EXOC6B: variants seen among roughly 807,000 people sequenced by gnomAD.
EXOC6B encodes SEC15 homolog B.
A neutral mutation model predicts 113.5 loss-of-function variants in EXOC6B; 54 were observed. The observed-to-expected ratio is 0.48, with a 90% CI of 0.38 to 0.60. The LOEUF is 0.60. Ranked by LOEUF, EXOC6B falls within the 20% of genes least tolerant of loss-of-function variation. EXOC6B has a pLI of 0.00. For missense variants in EXOC6B, 797 were observed against 977.5 expected (o/e 0.82, Z 2.46); for synonymous variants, 357 against 339.0 (o/e 1.05, Z -0.58).
chr2:72,734,782 T>A (rs1680847918), intron 2 of EXOC6B, among the ~76,000 whole-genome samples: 1 of 152,174 alleles, frequency 6.6e-6, no homozygotes, highest in South Asian at 2.1e-4. Context: ...GAAGCATGGT[T>A]AGAAGTGAAC....
chr2:72,400,021 C>T (rs912048410), intron 18 of EXOC6B, among the ~76,000 whole-genome samples: 5 of 151,946 alleles, frequency 3.3e-5, no homozygotes, highest in Non-Finnish European at 5.9e-5. Context: ...CACATTATCT[C>T]ACTTCAAATT....
intron 19 of EXOC6B, among the ~76,000 whole-genome samples, chr2:72,374,464 T>C (rs1691229096): frequency 6.6e-6 from 1 of 152,140 alleles, no homozygotes; most frequent in Non-Finnish European, 1.5e-5. Context: ...ACATTGCATG[T>C]TCTCACTTAT....
intron 5 of EXOC6B, among the ~76,000 whole-genome samples, chr2:72,726,778 T>C (rs1004782297): frequency 6.6e-6 from 1 of 152,134 alleles, no homozygotes; most frequent in Non-Finnish European, 1.5e-5. Flanking sequence ...AAGTCATACA[T>C]TGTAAAGATA....
intron 6 of EXOC6B, among the ~76,000 whole-genome samples, chr2:72,631,663 C>T (rs1300572787): frequency 6.6e-6 from 1 of 151,828 alleles, no homozygotes; most frequent in East Asian, 1.9e-4. Flanking sequence ...CACCACCATG[C>T]CTAGCTAATA....
intron 11 of EXOC6B, among the ~76,000 whole-genome samples, chr2:72,501,054 T>C (rs955434276): frequency 6.6e-6 from 1 of 152,176 alleles, no homozygotes; most frequent in Non-Finnish European, 1.5e-5. Context: ...CCACTTCCGC[T>C]TCCCCTTCTT....
At chr2:72,429,710 A>C (rs1327207890) in intron 18 of EXOC6B, among the ~76,000 whole-genome samples, 1 of 152,204 alleles carries the variant, frequency 6.6e-6, no homozygotes, top group Admixed American at 6.5e-5. Flanking sequence ...GAGAGGGGGA[A>C]CACTACTGGC....
intron 20 of EXOC6B, among the ~76,000 whole-genome samples, chr2:72,238,274 A>C (rs1291423500): frequency 6.6e-6 from 1 of 152,136 alleles, no homozygotes; most frequent in African/African-American, 2.4e-5. Context: ...ATAATATTTC[A>C]TTGTATGAAT....
At position 72,600,441 on chromosome 2, in the gene EXOC6B, CAAAAAA is replaced by C. The variant is rs57908608; in HGVS notation, c.670-24779_670-24774del. 1.4e-4 allele frequency among the ~76,000 whole-genome samples: 12 copies of C among 87,430 alleles called. No individual in the cohort carries two copies. The East Asian group carries it at 1.5e-3, about 11-fold the overall frequency. 57.4% of individuals were successfully genotyped at this position (87,430 alleles called of 152,430 possible). On this transcript the variant is annotated intron_variant, in intron 6 of 21. Transcript: ENST00000272427. ...TGGGCAATGGAGTGAGACCTTATCT[CAAAAAA>C]AAAAAAAAAAAAAAAAAACTACAAT... is the stretch of plus-strand genomic sequence containing the variant.
chr2:72,792,040 T>C (rs1051702614), intron 1 of EXOC6B, among the ~76,000 whole-genome samples: 7 of 152,262 alleles, frequency 4.6e-5, no homozygotes, highest in Admixed American at 4.6e-4. Flanking sequence ...TGCCTAGCTA[T>C]GGAATGATGG....
chr2:72,453,293 TA>T (rs1282150760), intron 18 of EXOC6B, among the ~76,000 whole-genome samples: 1 of 152,152 alleles, frequency 6.6e-6, no homozygotes, highest in Admixed American at 6.6e-5. Flanking sequence ...AAAATGTGGA[TA>T]TTTTTTGTTT....
chr2:72,447,807 T>C (rs1393407920), intron 18 of EXOC6B, among the ~76,000 whole-genome samples: 2 of 152,160 alleles, frequency 1.3e-5, no homozygotes, highest in East Asian at 3.9e-4. Flanking sequence ...GGGGATCCAA[T>C]TATGGTTATA....
chr2:72,542,110 T>C (rs143326491), intron 8 of EXOC6B, among the ~76,000 whole-genome samples: 3 of 152,368 alleles, frequency 2.0e-5, no homozygotes, highest in Non-Finnish European at 4.4e-5. Context: ...AATAACTACA[T>C]CTTCTTAGCA....
intron 19 of EXOC6B, among the ~76,000 whole-genome samples, chr2:72,365,118 C>A (rs1466967707): frequency 6.6e-6 from 1 of 152,024 alleles, no homozygotes; most frequent in Non-Finnish European, 1.5e-5. Flanking sequence ...TATATATTAT[C>A]ATGTCTAGGT....
chr2:72,603,288 T>C (rs1235851714), intron 6 of EXOC6B, among the ~76,000 whole-genome samples: 2 of 152,030 alleles, frequency 1.3e-5, no homozygotes, highest in African/African-American at 4.8e-5. Flanking sequence ...TAGAATAATG[T>C]CACTTTTAAA....
chr2:72,425,868 T>C (rs544111917), intron 18 of EXOC6B, among the ~76,000 whole-genome samples: 2 of 152,322 alleles, frequency 1.3e-5, no homozygotes, highest in African/African-American at 4.8e-5. Flanking sequence ...GATATTATAG[T>C]GTCACTTGAA....
chr2:72,664,052 C>T (rs1675213091), intron 6 of EXOC6B, among the ~76,000 whole-genome samples: 1 of 152,042 alleles, frequency 6.6e-6, no homozygotes, highest in Non-Finnish European at 1.5e-5. Flanking sequence ...TTCACGGCTG[C>T]AATCCCAATA....
intron 1 of EXOC6B, among the ~76,000 whole-genome samples, chr2:72,802,138 C>T (rs975564335): frequency 2.6e-5 from 4 of 152,084 alleles, no homozygotes; most frequent in Non-Finnish European, 4.4e-5. Context: ...GCCTGACCAA[C>T]ATGGTGAAAC....
At chr2:72,380,435 C>G (rs940777405) in intron 18 of EXOC6B, among the ~76,000 whole-genome samples, 1 of 152,048 alleles carries the variant, frequency 6.6e-6, no homozygotes, top group Non-Finnish European at 1.5e-5. Context: ...GTCAGGAGAT[C>G]GAGACCATCC....
intron 18 of EXOC6B, chr2:72,461,667 T>C (rs1388442292): frequency 6.6e-6 from 1 of 152,056 alleles, no homozygotes; most frequent in Non-Finnish European, 1.5e-5. Context: ...AATATTATAA[T>C]ACAATCATGA....
Sources: gnomAD v4.1 joint callset for allele counts (sites outside exome capture counted in the v4.1 genomes callset) on GRCh38, gnomAD v4.1.1 for gene constraint, MANE v1.5 for transcripts, NCBI Gene and HGNC (gene_info 2026-07-23, HGNC 2026-07-21) for gene names.